Variants in KCNH5 observed in about 807,000 individuals in gnomAD.
The protein encoded by KCNH5 is potassium voltage-gated channel subfamily H member 5, also known as voltage-gated delayed rectifier potassium channel KCNH5.
A neutral mutation model predicts 96.1 loss-of-function variants in KCNH5; 46 were observed. The observed-to-expected ratio is 0.48, with a 90% CI of 0.38 to 0.61. The LOEUF is 0.61. Among genes scored for constraint, KCNH5 ranks in the 20% least tolerant of loss-of-function variants. The pLI is 0.00. For missense variants in KCNH5, 907 were observed against 1,225.8 expected (o/e 0.74, Z 3.88); for synonymous variants, 439 against 449.8 (o/e 0.98, Z 0.30).
chr14:62,885,638 T>C (rs1888581189), intron 7 of KCNH5, among the ~76,000 whole-genome samples: 2 of 152,178 alleles, frequency 1.3e-5, no homozygotes, highest in Admixed American at 6.5e-5. Flanking sequence ...TGTCAGACAG[T>C]GGGAATACAA....
In KCNH5 at chr14:63,045,192, G is replaced by T; in HGVS notation, c.-6C>A. On this transcript the variant is annotated 5_prime_UTR_variant, in exon 1 of 11. Transcript: ENST00000322893. Reference sequence around the variant, plus strand: ...CCTCTCTTGCCCCCCGGCATCCTGGGTCTGGAGAGCAGCGGCCAGGATCCG... The same window carrying T: ...CCTCTCTTGCCCCCCGGCATCCTGGTTCTGGAGAGCAGCGGCCAGGATCCG... 6.2e-7 allele frequency: 1 copy of T among 1,612,746 alleles called. No individual in the cohort carries two copies. Among genetic ancestry groups the T allele is most frequent in the Non-Finnish European group, 8.5e-7 (1 of 1,179,652 alleles).
intron 6 of KCNH5, among the ~76,000 whole-genome samples, chr14:62,967,350 G>A (rs1890323927): frequency 6.6e-6 from 1 of 151,882 alleles, no homozygotes; most frequent in African/African-American, 2.4e-5. Context: ...CCTGAGTGCT[G>A]AGATTACAGG....
chr14:62,809,996 T>A (rs1021009864), intron 8 of KCNH5, among the ~76,000 whole-genome samples: 1 of 152,116 alleles, frequency 6.6e-6, no homozygotes, highest in Non-Finnish European at 1.5e-5. Context: ...ATCAGCTTAG[T>A]TCCAACAGTT....
rs541469191 is a variant in KCNH5 at position 62,979,799 on chromosome 14, G to T, written c.942+1073C>A. Among the ~76,000 whole-genome samples the T allele has an allele frequency of 3.3e-5, 5 of 152,288 alleles. No individual in the cohort carries two copies. The East Asian group carries it at 9.6e-4, about 29-fold the overall frequency. ...TAGAGCCTGAGAAGCTGTGGATGAAGTGGTCTTTTAAGCTTCTACATATTT... is the reference window on the plus strand; with the variant it reads ...TAGAGCCTGAGAAGCTGTGGATGAATTGGTCTTTTAAGCTTCTACATATTT... On this transcript the variant is annotated intron_variant, in intron 6 of 10. Coordinates refer to ENST00000322893, the MANE Select transcript of KCNH5 (RefSeq NM_139318.5).
intron 3 of KCNH5, among the ~76,000 whole-genome samples, chr14:63,003,161 C>G (rs1891042515): frequency 6.6e-6 from 1 of 152,066 alleles, no homozygotes; most frequent in Non-Finnish European, 1.5e-5. Flanking sequence ...AATTCTGGCA[C>G]AGAGTCTGGG....
chr14:62,762,678 A>T (rs1405536547), intron 10 of KCNH5, among the ~76,000 whole-genome samples: 3 of 152,146 alleles, frequency 2.0e-5, no homozygotes. Context: ...AAGTAAAGGG[A>T]TGGAGAAAAA....
In KCNH5 at chr14:62,987,181, G is replaced by A. The variant is rs180894715; in HGVS notation, c.440C>T (p.Thr147Met). 138 of 1,611,934 alleles carry A rather than the reference G, an allele frequency of 8.6e-5. No homozygotes were observed. Among genetic ancestry groups the A allele is most frequent in the Non-Finnish European group, 1.1e-4 (125 of 1,178,314 alleles). The change falls in exon 5 of 11, where the codon ACG (threonine) becomes ATG (methionine). Residue 147 changes from threonine (T) to methionine (M), a missense_variant. Around this residue, in one of 6 missense-constraint regions of KCNH5, gnomAD observed 370 missense variants for 561.3 expected, o/e 0.66. Transcript: ENST00000322893. Reference protein sequence around the residue: ...PIEDDSTKGWTKFARLTRALT... With the variant: ...PIEDDSTKGWMKFARLTRALT... The stretch of plus-strand genomic sequence containing the variant: ...AGCCCGTGTCAATCGGGCAAATTTC[G>A]TCCAACCTTAAAAATAAGGAAAGAA...
intron 8 of KCNH5, among the ~76,000 whole-genome samples, chr14:62,814,247 C>A (rs243139): frequency 2.0e-5 from 3 of 152,086 alleles, no homozygotes; most frequent in African/African-American, 7.2e-5. Flanking sequence ...TTTGCAGTAA[C>A]AACAAACAGC....
intron 7 of KCNH5, among the ~76,000 whole-genome samples, chr14:62,866,588 G>A (rs1888139053): frequency 6.6e-6 from 1 of 152,114 alleles, no homozygotes; most frequent in Admixed American, 6.5e-5. Context: ...GCTCCTGTCA[G>A]GTACTACATA....
chr14:62,742,938 A>G (rs1033718020), intron 10 of KCNH5, among the ~76,000 whole-genome samples: 2 of 152,192 alleles, frequency 1.3e-5, no homozygotes, highest in African/African-American at 2.4e-5. Flanking sequence ...ATTCATGTAC[A>G]CAGCAGTTGG....
rs7493646 is a variant in KCNH5, at chr14:63,004,059, G to A, written c.304+2307C>T. Among the ~76,000 whole-genome samples, 209 of 152,168 alleles carry A rather than the reference G, an allele frequency of 1.4e-3. 5 individuals are homozygous for A. The East Asian group carries it at 0.037, about 27-fold the overall frequency. On this transcript the variant is annotated intron_variant, in intron 3 of 10. Coordinates refer to ENST00000322893, the MANE Select transcript of KCNH5 (RefSeq NM_139318.5). ...GGTGATGCATATTCAATCAGATGCC[G>A]CAATTCCCCCATTTGCAAAATGGTG...
At chr14:62,720,534 G>A (rs1449708123) in intron 10 of KCNH5, among the ~76,000 whole-genome samples, 1 of 152,180 alleles carries the variant, frequency 6.6e-6, no homozygotes, top group East Asian at 1.9e-4. Context: ...ACTGAGCTGA[G>A]ATCGCGCCAC....
chr14:62,953,089 T>C (rs1890037502), intron 6 of KCNH5, among the ~76,000 whole-genome samples: 1 of 151,700 alleles, frequency 6.6e-6, no homozygotes, highest in Non-Finnish European at 1.5e-5. Context: ...CACTTAAACA[T>C]TATAAAATGT....
At chr14:62,866,966 A>G (rs1595662064) in intron 7 of KCNH5, among the ~76,000 whole-genome samples, 1 of 152,214 alleles carries the variant, frequency 6.6e-6, no homozygotes, top group African/African-American at 2.4e-5. Context: ...CCTGCAACTC[A>G]GTATTTTAAC....
chr14:62,921,987 T>C (rs1190200306), intron 7 of KCNH5, among the ~76,000 whole-genome samples: 1 of 152,108 alleles, frequency 6.6e-6, no homozygotes, highest in Non-Finnish European at 1.5e-5. Context: ...CTAGATCTCA[T>C]AACAACTGTG....
At chr14:62,797,052 C>T (rs533282084) in intron 9 of KCNH5, among the ~76,000 whole-genome samples, 3 of 152,080 alleles carry the variant, frequency 2.0e-5, no homozygotes, top group Middle Eastern at 6.8e-3. Flanking sequence ...ATCTTGGGGG[C>T]CCAAGATGTT....
intron 8 of KCNH5, among the ~76,000 whole-genome samples, chr14:62,814,989 T>C (rs1195230945): frequency 6.6e-6 from 1 of 152,096 alleles, no homozygotes; most frequent in Non-Finnish European, 1.5e-5. Flanking sequence ...GTATAGCATA[T>C]ATACAGTGGG....
intron 10 of KCNH5, among the ~76,000 whole-genome samples, chr14:62,717,117 C>T (rs1258984949): frequency 2.6e-5 from 4 of 151,912 alleles, no homozygotes; most frequent in African/African-American, 4.8e-5. Context: ...AGAAAAACTA[C>T]AAAACATAGA....
intron 8 of KCNH5, among the ~76,000 whole-genome samples, chr14:62,836,373 T>C (rs1432107763): frequency 1.3e-5 from 2 of 152,148 alleles, no homozygotes. Flanking sequence ...AGTTTCATTG[T>C]TCCTGGTTGT....
Sources: allele counts gnomAD v4.1 joint callset (sites outside exome capture counted in the v4.1 genomes callset), GRCh38; gene constraint gnomAD v4.1.1; regional missense constraint gnomAD v4.1.1; transcripts MANE v1.5; gene names NCBI Gene and HGNC (gene_info 2026-07-23, HGNC 2026-07-21).